The following ERG variants were observed in gnomAD, a reference collection of about 807,000 sequenced individuals.
ERG encodes transcriptional regulator ERG.
Under a neutral mutation model 55.3 loss-of-function variants are expected in ERG, and 9 were observed. The observed-to-expected ratio is 0.16, with a 90% confidence interval of 0.10 to 0.28. The LOEUF (loss-of-function observed/expected upper bound fraction) is 0.28. Among genes scored for constraint, ERG ranks in the 10% least tolerant of loss-of-function variants. The pLI, the probability that ERG is intolerant of heterozygous loss-of-function variation, is 1.00. For synonymous variants in ERG, 223 were observed against 237.3 expected (o/e 0.94, Z 0.55); for missense variants, 434 against 631.6 (o/e 0.69, Z 3.35).
chr21:38,635,348 C>T (rs944162532), intron 1 of ERG, among the ~76,000 whole-genome samples: 1 of 151,878 alleles, frequency 6.6e-6, no homozygotes, highest in Non-Finnish European at 1.5e-5. Context: ...AAGAGCAGGC[C>T]CTAATGTAAA....
At chr21:38,462,145 T>A (rs1329574181) in intron 1 of ERG, among the ~76,000 whole-genome samples, 3 of 152,134 alleles carry the variant, frequency 2.0e-5, no homozygotes, top group African/African-American at 7.2e-5. Flanking sequence ...CACGCCTGGC[T>A]AATTTTTTTG....
chr21:38,369,306 A>C, the ERG span, among the ~76,000 whole-genome samples: 1 of 152,290 alleles, frequency 6.6e-6, no homozygotes. Context: ...AATAATAGCC[A>C]TTCTGACTGG....
At chr21:38,447,691 A>G (rs1211922428) in intron 1 of ERG, among the ~76,000 whole-genome samples, 2 of 151,902 alleles carry the variant, frequency 1.3e-5, no homozygotes, top group Admixed American at 1.3e-4. Flanking sequence ...TTATTAAAAA[A>G]TTTTTGCAAA....
intron 1 of ERG, among the ~76,000 whole-genome samples, chr21:38,641,546 C>T (rs2060425005): frequency 6.6e-6 from 1 of 152,182 alleles, no homozygotes; most frequent in Non-Finnish European, 1.5e-5. Flanking sequence ...CGGAAAGAGG[C>T]ACCAAATACG....
At chr21:38,631,429 T>C (rs983971782) in intron 1 of ERG, among the ~76,000 whole-genome samples, 12 of 152,152 alleles carry the variant, frequency 7.9e-5, no homozygotes, top group South Asian at 2.1e-4. Flanking sequence ...TTAAAGCACA[T>C]TGGGGGAAAT....
intron 1 of ERG, among the ~76,000 whole-genome samples, chr21:38,596,878 A>G (rs573649633): frequency 1.4e-4 from 21 of 151,988 alleles, no homozygotes; most frequent in African/African-American, 4.8e-4. Context: ...CAACACCAGG[A>G]AGACTCAGAC....
chr21:38,454,193 GT>G (rs1356411803), intron 1 of ERG, among the ~76,000 whole-genome samples: 1 of 152,092 alleles, frequency 6.6e-6, no homozygotes. Context: ...ATAAAAAGAA[GT>G]TTTTCTTTGC....
intron 3 of ERG, among the ~76,000 whole-genome samples, chr21:38,417,690 G>A (rs1252579802): frequency 6.6e-6 from 1 of 152,174 alleles, no homozygotes; most frequent in Non-Finnish European, 1.5e-5. Context: ...TCAGGAGGCT[G>A]AGGCAGGAGA....
At chr21:38,625,097 T>C (rs922180743) in intron 1 of ERG, among the ~76,000 whole-genome samples, 4 of 152,184 alleles carry the variant, frequency 2.6e-5, no homozygotes, top group African/African-American at 9.7e-5. Flanking sequence ...CAACCCACCT[T>C]CATCCTTTGA....
At chr21:38,473,734 A>T (rs1267132093) in intron 1 of ERG, among the ~76,000 whole-genome samples, 1 of 152,184 alleles carries the variant, frequency 6.6e-6, no homozygotes, top group South Asian at 2.1e-4. Context: ...ATTAAAGTTC[A>T]CTTAAGTTTT....
chr21:38,419,573 T>C (rs1326278478), intron 3 of ERG, among the ~76,000 whole-genome samples: 2 of 152,168 alleles, frequency 1.3e-5, no homozygotes, highest in African/African-American at 4.8e-5. Flanking sequence ...CTCTGTTCAA[T>C]TTTTACTTTA....
Position 38,380,954 on chromosome 21 carries a change from T to C in ERG, c.*2449A>G, listed in dbSNP as rs1170813761. On this transcript the variant is annotated 3_prime_UTR_variant, in exon 10 of 10. Transcript: ENST00000288319. ...AATAAAAATGACTGATCTTTTCCAT[T>C]AGCACAGTTTGGGTCAGCCTAACTG... is the stretch of plus-strand genomic sequence containing the variant. 1 of 1,064,990 alleles carries C rather than the reference T, an allele frequency of 9.4e-7. No individual in the cohort carries two copies. The highest frequency in any genetic ancestry group is 1.6e-5 in the African/African-American group (1 of 61,076). The allele number at this position is 1,064,990 out of a possible 1,614,324, so 66.0% of individuals were successfully genotyped here.
At chr21:38,638,516 A>C (rs998935144) in intron 1 of ERG, among the ~76,000 whole-genome samples, 7 of 152,206 alleles carry the variant, frequency 4.6e-5, no homozygotes, top group African/African-American at 1.4e-4. Flanking sequence ...AATATCACTA[A>C]AAGTAGAAAT....
At chr21:38,397,377 A>G (rs1988274280) in intron 6 of ERG, among the ~76,000 whole-genome samples, 1 of 152,102 alleles carries the variant, frequency 6.6e-6, no homozygotes, top group African/African-American at 2.4e-5. Flanking sequence ...AGGTGGGCGG[A>G]TCACGAGGTC....
At chr21:38,652,952 C>A (rs2060496952) in intron 1 of ERG, among the ~76,000 whole-genome samples, 1 of 152,312 alleles carries the variant, frequency 6.6e-6, no homozygotes, top group East Asian at 1.9e-4. Flanking sequence ...GCATTCACCC[C>A]TTTTCTAGAT....
intron 1 of ERG, among the ~76,000 whole-genome samples, chr21:38,475,430 T>G (rs1343810297): frequency 6.6e-6 from 1 of 152,158 alleles, no homozygotes; most frequent in Admixed American, 6.5e-5. Flanking sequence ...TCAAAGCAGA[T>G]GGACCCTTCC....
Position 38,380,602 on chromosome 21 carries a change from T to G in ERG, c.*2801A>C. 5 of 1,065,628 alleles carry G rather than the reference T, an allele frequency of 4.7e-6. No homozygotes were observed. Among genetic ancestry groups the G allele is most frequent in the Non-Finnish European group, 5.7e-6 (5 of 879,486 alleles). 66.0% of individuals were successfully genotyped at this position (1,065,628 alleles called of 1,614,324 possible). On this transcript the variant is annotated 3_prime_UTR_variant, in exon 10 of 10. Transcript: ENST00000288319. The stretch of plus-strand genomic sequence containing the variant: ...GGTTCATGCAATTATGAATATGACC[T>G]GGAGGGGGCTTTGGAATTAGATTAC...
intron 1 of ERG, among the ~76,000 whole-genome samples, chr21:38,583,568 T>C (rs1300693836): frequency 6.6e-6 from 1 of 152,184 alleles, no homozygotes; most frequent in African/African-American, 2.4e-5. Flanking sequence ...AAAATACTTA[T>C]AGCTATGGGT....
At chr21:38,388,116 G>A (rs1987789159) in intron 9 of ERG, among the ~76,000 whole-genome samples, 1 of 152,218 alleles carries the variant, frequency 6.6e-6, no homozygotes, top group Non-Finnish European at 1.5e-5. Context: ...CTGTCGTTCT[G>A]CAAGAGGCAG....
Sources: gnomAD v4.1 joint callset for allele counts (sites outside exome capture counted in the v4.1 genomes callset) on GRCh38, gnomAD v4.1.1 for gene constraint, MANE v1.5 for transcripts, NCBI Gene and HGNC (gene_info 2026-07-23, HGNC 2026-07-21) for gene names.